The following HLF variants were observed in gnomAD, a reference collection of about 807,000 sequenced individuals.
The protein encoded by HLF is HLF transcription factor, PAR bZIP family member.
A neutral mutation model predicts 22.6 loss-of-function variants in HLF; 3 were observed. The ratio of observed to expected loss-of-function variants is 0.13; its 90% CI spans 0.06 to 0.34. The LOEUF is 0.34. HLF is among the 10% of genes least tolerant of loss of function. The probability of loss-of-function intolerance (pLI) is 1.00; values close to 1 mark genes in which losing one functional copy is unlikely to be tolerated. For missense variants in HLF, 299 were observed against 389.2 expected (o/e 0.77, Z 1.95); for synonymous variants, 151 against 151.8 (o/e 0.99, Z 0.04).
intron 2 of HLF, among the ~76,000 whole-genome samples, chr17:55,306,476 G>C (rs1904554118): frequency 6.6e-6 from 1 of 151,278 alleles, no homozygotes; most frequent in Non-Finnish European, 1.5e-5. Flanking sequence ...CAGTATATTT[G>C]TTCTGTAATC....
At chr17:55,318,542 C>T (rs1004231465) in intron 3 of HLF, among the ~76,000 whole-genome samples, 5 of 152,242 alleles carry the variant, frequency 3.3e-5, no homozygotes, top group African/African-American at 1.2e-4. Flanking sequence ...TGTCTTACAC[C>T]ACATCAAGCC....
intron 2 of HLF, among the ~76,000 whole-genome samples, chr17:55,311,474 AG>A (rs1194838166): frequency 6.6e-6 from 1 of 152,276 alleles, no homozygotes; most frequent in East Asian, 1.9e-4. Context: ...ACTGCACTCC[AG>A]CCTGGGTGAC....
chr17:55,310,489 A>G (rs550027216), intron 2 of HLF, among the ~76,000 whole-genome samples: 2 of 151,468 alleles, frequency 1.3e-5, no homozygotes, highest in East Asian at 1.9e-4. Flanking sequence ...GTCAAGTTGT[A>G]TCTACTAAGA....
intron 2 of HLF, among the ~76,000 whole-genome samples, chr17:55,295,280 T>C (rs2145338575): frequency 6.6e-6 from 1 of 152,318 alleles, no homozygotes; most frequent in East Asian, 1.9e-4. Flanking sequence ...ACAATATAAG[T>C]GACTTGTTGA....
chr17:55,268,118 GGGA>G, intron 2 of HLF, 32 bp downstream of exon 2: 1 of 1,436,626 alleles, frequency 7.0e-7, no homozygotes. Context: ...CCTTCAGAAA[GGGA>G]GGAGGAGGGT....
At chr17:55,266,341 A>T (rs2145287388) in intron 1 of HLF, 1 of 152,252 alleles carries the variant, frequency 6.6e-6, no homozygotes, top group Admixed American at 6.5e-5. Context: ...TCCCAAGACA[A>T]CCTTGGCCTT....
At chr17:55,297,924 A>C (rs1350743575) in intron 2 of HLF, among the ~76,000 whole-genome samples, 2 of 151,506 alleles carry the variant, frequency 1.3e-5, no homozygotes, top group East Asian at 3.9e-4. Flanking sequence ...TAATCTTTGT[A>C]TTTTTAGTAG....
At chr17:55,287,039 A>G (rs1467887557) in intron 2 of HLF, among the ~76,000 whole-genome samples, 1 of 152,200 alleles carries the variant, frequency 6.6e-6, no homozygotes, top group African/African-American at 2.4e-5. Flanking sequence ...AATAATGCCA[A>G]GTTCTCACGT....
At chr17:55,288,950 A>G in intron 2 of HLF, 2 of 985,252 alleles carry the variant, frequency 2.0e-6, no homozygotes, top group Non-Finnish European at 2.4e-6. Context: ...CTTAAAACTC[A>G]TCCCACAGGT....
intron 2 of HLF, chr17:55,273,396 ATTCCCAATCCCTGTT>A (rs1203834123): frequency 6.6e-6 from 1 of 152,172 alleles, no homozygotes; most frequent in African/African-American, 2.4e-5. Context: ...GAATGACTGG[ATTCCCAATCCCTGTT>A]TTCTATTTAG....
At chr17:55,303,369 T>A (rs1333754849) in intron 2 of HLF, among the ~76,000 whole-genome samples, 1 of 152,082 alleles carries the variant, frequency 6.6e-6, no homozygotes, top group Non-Finnish European at 1.5e-5. Flanking sequence ...TGACCTAACC[T>A]CCCGTTTTCC....
chr17:55,310,612 G>T (rs1460403380), intron 2 of HLF, among the ~76,000 whole-genome samples: 1 of 152,180 alleles, frequency 6.6e-6, no homozygotes, highest in African/African-American at 2.4e-5. Flanking sequence ...TCATTGTCTT[G>T]CAGAAACCGG....
chr17:55,292,468 A>G (rs1436350169), intron 2 of HLF, among the ~76,000 whole-genome samples: 2 of 152,216 alleles, frequency 1.3e-5, no homozygotes, highest in African/African-American at 2.4e-5. Context: ...TAAGGCATGT[A>G]CATTGTTTTT....
At chr17:55,284,657 T>C (rs2080986109) in intron 2 of HLF, among the ~76,000 whole-genome samples, 1 of 152,046 alleles carries the variant, frequency 6.6e-6, no homozygotes, top group African/African-American at 2.4e-5. Context: ...GACCTTCTAC[T>C]CTCTCCAACC....
rs368854906 is a variant in HLF, at chr17:55,297,797, T to A, written c.452-17430T>A. 1.5e-4 allele frequency among the ~76,000 whole-genome samples: 20 copies of A among 133,364 alleles called. No individual in the cohort carries two copies. In the East Asian group the frequency reaches 5.0e-3, roughly 33 times the overall value. The allele number at this position is 133,364 out of a possible 152,430, so 87.5% of individuals were successfully genotyped here. ...GTCTCGCTCTGTCACCCAACCAAGC[T>A]GGAGTGCAATGGCGCGACCTCAGCT... is the stretch of plus-strand genomic sequence containing the variant. On this transcript the variant is annotated intron_variant, in intron 2 of 3. Coordinates refer to ENST00000226067, the MANE Select transcript of HLF (RefSeq NM_002126.5).
intron 2 of HLF, among the ~76,000 whole-genome samples, chr17:55,277,274 T>TGCGC (rs35280679): frequency 8.9e-4 from 101 of 113,986 alleles, no homozygotes; most frequent in East Asian, 7.0e-3. Flanking sequence ...TGTGTGTGTG[T>TGCGC]GCGCGCGCAT....
rs781621986 is a variant in HLF, at chr17:55,320,459, C to A, written c.673-205C>A. On this transcript the variant is annotated intron_variant, in intron 3 of 3. Transcript: ENST00000226067. The surrounding 1 kb of genome is among the most constrained non-coding windows in gnomAD (Gnocchi z 4.2). ...AGAGTAGGAGCCTGTTGGGACAGAT[C>A]GGTGGGTCCTTGCTCCAAGAAGGAA... is the stretch of plus-strand genomic sequence containing the variant. Among the ~76,000 whole-genome samples, 2 of 152,086 alleles carry A rather than the reference C, an allele frequency of 1.3e-5. No homozygotes were observed. The highest frequency in any genetic ancestry group is 1.5e-5 in the Non-Finnish European group (1 of 68,010).
chr17:55,274,537 G>A (rs552595647), intron 2 of HLF, among the ~76,000 whole-genome samples: 132 of 152,266 alleles, frequency 8.7e-4, no homozygotes, highest in Non-Finnish European at 1.5e-3. Flanking sequence ...CTGTCAGAAT[G>A]TCCTGTGTTT....
chr17:55,315,149 A>G (rs897659445), intron 2 of HLF, 78 bp from the exon 3 acceptor site: 6 of 1,041,928 alleles, frequency 5.8e-6, no homozygotes, highest in Non-Finnish European at 9.0e-6. Flanking sequence ...CTTACCACTC[A>G]TCTCAGAGCA....
Sources: allele counts gnomAD v4.1 joint callset (sites outside exome capture counted in the v4.1 genomes callset), GRCh38; gene constraint gnomAD v4.1.1; non-coding constraint Gnocchi (gnomAD v3.1); transcripts MANE v1.5; gene names NCBI Gene and HGNC (gene_info 2026-07-23, HGNC 2026-07-21).